The following CYFIP2 variants were observed in gnomAD, a reference collection of about 807,000 sequenced individuals.
CYFIP2 encodes the protein cytoplasmic FMR1 interacting protein 2.
Under a neutral mutation model 158.7 loss-of-function variants are expected in CYFIP2, and 29 were observed. The observed-to-expected ratio is 0.18, with a 90% CI of 0.14 to 0.25. The LOEUF is 0.25. CYFIP2 is among the 10% of genes least tolerant of loss of function. The pLI is 1.00. For missense variants in CYFIP2, 852 were observed against 1,639.5 expected, an observed-to-expected ratio of 0.52 and a Z score of 8.29; for synonymous variants, 585 against 617.6, an observed-to-expected ratio of 0.95 and a Z score of 0.78.
At chr5:157,287,904 G>A (rs1354363144) in intron 3 of CYFIP2, among the ~76,000 whole-genome samples, 1 of 152,114 alleles carries the variant, frequency 6.6e-6, no homozygotes, top group South Asian at 2.1e-4. Context: ...ACCAGCCTGG[G>A]CAACATGGCA....
intron 14 of CYFIP2, 79 bp from the exon 15 acceptor site, chr5:157,320,576 C>A: frequency 6.3e-7 from 1 of 1,576,398 alleles, no homozygotes; most frequent in Admixed American, 1.8e-5. Flanking sequence ...TGGGACACCA[C>A]GGGCCCTAGA....
intron 23 of CYFIP2, chr5:157,341,934 A>G (rs1428716373): frequency 1.3e-5 from 2 of 152,322 alleles, no homozygotes; most frequent in African/African-American, 4.8e-5. Flanking sequence ...GTTCACAGAC[A>G]TGGCATTTAA....
chr5:157,324,134 G>A (rs367744288), intron 16 of CYFIP2, 60 bp downstream of exon 16: 20 of 1,524,224 alleles, frequency 1.3e-5, no homozygotes, highest in Admixed American at 4.0e-5. Context: ...TCTCAGAGCC[G>A]CTAAGACCAC....
At chr5:157,341,799 G>A (rs964758897) in intron 23 of CYFIP2, 3 of 154,064 alleles carry the variant, frequency 1.9e-5, no homozygotes, top group African/African-American at 7.2e-5. Context: ...ATAGATATAA[G>A]AGGGTACTGG....
Position 157,309,781 on chromosome 5 carries a change from A to G in CYFIP2, c.939A>G (p.Ile313Met). ...QVVPLFGDMQ[I>M]ELARYIKTSA... ...TGCCCCTTTTCGGCGACATGCAGAT[A>G]GAGCTGGCCAGATACATTAAGACCA... The change falls in exon 10 of 31, where the codon ATA becomes ATG. Residue 313 changes from isoleucine (I) to methionine (M), a missense_variant. Ile to Met is a conservative substitution (Grantham distance 10). Transcript: ENST00000620254. 1 of 1,608,104 alleles carries G rather than the reference A, an allele frequency of 6.2e-7. No homozygotes were observed.
chr5:157,285,888 A>G (rs938439775), intron 2 of CYFIP2, among the ~76,000 whole-genome samples: 3 of 152,192 alleles, frequency 2.0e-5, no homozygotes, highest in African/African-American at 4.8e-5. Context: ...GGCTCAGGGA[A>G]GCTGGTCACA....
chr5:157,330,241 TGTG>T (rs1458913359), intron 19 of CYFIP2, among the ~76,000 whole-genome samples: 2 of 3,734 alleles, frequency 5.4e-4, no homozygotes, highest in East Asian at 2.3e-3. Flanking sequence ...AGATTTAAAA[TGTG>T]TGTGTGTGTG....
At chr5:157,358,268 T>G (rs776914517) in intron 23 of CYFIP2, among the ~76,000 whole-genome samples, 1 of 152,176 alleles carries the variant, frequency 6.6e-6, no homozygotes, top group African/African-American at 2.4e-5. Flanking sequence ...AGTTATGGTG[T>G]CTCATGGGGT....
chr5:157,322,866 CTCTT>C lies in CYFIP2; in HGVS notation c.1672-1051_1672-1048del, dbSNP rs755679410. ...ACCTCTTGCTTTTCTCTCTCTCTCT[CTCTT>C]TCTCTCTCTCCCTCTTCCCTGTCTC... On this transcript the variant is annotated intron_variant, in intron 15 of 30. Transcript: ENST00000620254. The C allele has an allele frequency of 1.4e-4, 194 of 1,384,882 alleles. 1 individual carries two copies. In the East Asian group the frequency reaches 2.6e-3, roughly 18 times the overall value. 85.8% of individuals were successfully genotyped at this position (1,384,882 alleles called of 1,614,324 possible).
In CYFIP2 at chr5:157,322,071, G is replaced by T. The variant is rs142827355; in HGVS notation, c.1671+1269G>T. Among the ~76,000 whole-genome samples, 976 of 152,180 alleles carry T rather than the reference G, an allele frequency of 6.4e-3. 14 individuals carry two copies. Among genetic ancestry groups the T allele is most frequent in the African/African-American group, 0.022 (917 of 41,514 alleles). ...TGTGTAGATAATGTGAGAGGGGTGG[G>T]TCACCAGCAGTAAATCCCGCCTCAC... On this transcript the variant is annotated intron_variant, in intron 15 of 30. Transcript: ENST00000620254.
intron 23 of CYFIP2, among the ~76,000 whole-genome samples, 186 bp from the exon 24 acceptor site, chr5:157,358,819 C>G (rs1232957963): frequency 6.6e-6 from 1 of 152,154 alleles, no homozygotes; most frequent in Non-Finnish European, 1.5e-5. Context: ...TGACTGTGCG[C>G]CATCCTGTAG....
Position 157,311,460 on chromosome 5 carries a change from G to C in CYFIP2, c.993-204G>C, listed in dbSNP as rs1759714928. On this transcript the variant is annotated intron_variant, in intron 10 of 30. Coordinates refer to ENST00000620254, the MANE Select transcript of CYFIP2 (RefSeq NM_001037333.3). The surrounding 1 kb of genome is among the most constrained non-coding windows in gnomAD (Gnocchi z 4.7). ...GATCCTAGATGAGGCTGGCACCAAA[G>C]AGGAGGAGGAAGGACTGTTCCATTA... The C allele has an allele frequency of 1.7e-6, 1 of 583,442 alleles. No homozygotes were observed. Among genetic ancestry groups the C allele is most frequent in the South Asian group, 2.0e-5 (1 of 49,158 alleles). The allele number at this position is 583,442 out of a possible 1,614,324, so 36.1% of individuals were successfully genotyped here.
intron 26 of CYFIP2, among the ~76,000 whole-genome samples, chr5:157,379,021 C>T (rs930191888): frequency 2.0e-5 from 3 of 152,164 alleles, no homozygotes; most frequent in Non-Finnish European, 4.4e-5. Context: ...CACCTCTGCC[C>T]ACCTGCATTC....
chr5:157,350,133 C>A (rs184891694), intron 23 of CYFIP2, among the ~76,000 whole-genome samples: 1 of 152,186 alleles, frequency 6.6e-6, no homozygotes. Context: ...TAGTTTAAGT[C>A]CCATTTATTT....
intron 11 of CYFIP2, 86 bp from the exon 12 acceptor site, chr5:157,314,258 C>T: frequency 6.6e-7 from 1 of 1,516,120 alleles, no homozygotes; most frequent in Non-Finnish European, 8.9e-7. Flanking sequence ...TAGCACTTCC[C>T]TGCAGTGTTC....
intron 3 of CYFIP2, among the ~76,000 whole-genome samples, chr5:157,291,644 C>T (rs1027911084): frequency 5.3e-5 from 8 of 152,294 alleles, no homozygotes; most frequent in Admixed American, 3.9e-4. Flanking sequence ...CAGATGACTG[C>T]GGGACCCACG....
At chr5:157,271,660 G>A (rs978043998) in intron 1 of CYFIP2, 3 of 152,222 alleles carry the variant, frequency 2.0e-5, no homozygotes, top group African/African-American at 7.2e-5. Context: ...GGTTGAGAGA[G>A]AACCAAGGCT....
In CYFIP2 at chr5:157,304,204, C is replaced by T. The variant is rs770338291; in HGVS notation, c.667-34C>T. ...TGCAGGTGAGGGCACAGGATACATGCGCTGCCTAACCTGAGGGTGGCGCTG... is the reference window on the plus strand; with the variant it reads ...TGCAGGTGAGGGCACAGGATACATGTGCTGCCTAACCTGAGGGTGGCGCTG... On this transcript the variant is annotated intron_variant, in intron 7 of 30. Transcript: ENST00000620254. 35 of 1,597,176 alleles carry T rather than the reference C, an allele frequency of 2.2e-5. No individual in the cohort carries two copies. In the East Asian group the frequency reaches 6.3e-4, roughly 29 times the overall value.
intron 8 of CYFIP2, among the ~76,000 whole-genome samples, chr5:157,307,502 C>G (rs1476307770): frequency 6.6e-6 from 1 of 152,190 alleles, no homozygotes; most frequent in Admixed American, 6.5e-5. Flanking sequence ...TGAGCACAGA[C>G]TCTGGCCCAT....
Sources: gnomAD v4.1 joint callset for allele counts (sites outside exome capture counted in the v4.1 genomes callset) on GRCh38, gnomAD v4.1.1 for gene constraint, Gnocchi (gnomAD v3.1) non-coding constraint, MANE v1.5 for transcripts, NCBI Gene and HGNC (gene_info 2026-07-23, HGNC 2026-07-21) for gene names.